Variants in SH3PXD2A observed in about 807,000 individuals in gnomAD.
The protein encoded by SH3PXD2A is SH3 and PX domain-containing protein 2A.
In SH3PXD2A, 32 loss-of-function variants were observed where a neutral mutation model predicts 115.2. That is an observed-to-expected ratio of 0.28 (90% CI 0.21 to 0.37). The LOEUF is 0.37. Among genes scored for constraint, SH3PXD2A ranks in the 10% least tolerant of loss-of-function variants. The pLI is 1.00. For synonymous variants in SH3PXD2A, 610 were observed against 629.1 expected, an observed-to-expected ratio of 0.97 and a Z score of 0.45; for missense variants, 1,328 against 1,498.7, an observed-to-expected ratio of 0.89 and a Z score of 1.88.
At chr10:103,706,179 G>A (rs2037978481) in intron 5 of SH3PXD2A, among the ~76,000 whole-genome samples, 1 of 152,200 alleles carries the variant, frequency 6.6e-6, no homozygotes, top group African/African-American at 2.4e-5. Flanking sequence ...ACATGCTCAA[G>A]AGATGCACTG....
At chr10:103,789,761 C>G (rs572411097) in intron 2 of SH3PXD2A, among the ~76,000 whole-genome samples, 75 of 143,662 alleles carry the variant, frequency 5.2e-4, no homozygotes, top group Non-Finnish European at 9.6e-4. Flanking sequence ...GTGGCAGAGG[C>G]TGCAACTGCA....
intron 8 of SH3PXD2A, among the ~76,000 whole-genome samples, chr10:103,637,643 G>A (rs1274640207): frequency 6.6e-6 from 1 of 152,184 alleles, no homozygotes; most frequent in African/African-American, 2.4e-5. Context: ...TTGACCCTTT[G>A]GAAGGGTGAT....
At chr10:103,739,627 G>C (rs1032383630) in intron 3 of SH3PXD2A, among the ~76,000 whole-genome samples, 5 of 152,204 alleles carry the variant, frequency 3.3e-5, no homozygotes, top group Non-Finnish European at 4.4e-5. Flanking sequence ...GGCATTAAAG[G>C]CCTCTTGTAA....
chr10:103,727,254 T>C (rs1487159004), intron 4 of SH3PXD2A, among the ~76,000 whole-genome samples: 2 of 152,098 alleles, frequency 1.3e-5, no homozygotes, highest in Non-Finnish European at 2.9e-5. Context: ...GAAGGTCAGA[T>C]GGGTGGAGCA....
intron 1 of SH3PXD2A, among the ~76,000 whole-genome samples, chr10:103,840,123 G>A (rs1298699610): frequency 6.6e-6 from 1 of 152,270 alleles, no homozygotes; most frequent in Non-Finnish European, 1.5e-5. Context: ...TGGGGCCAGG[G>A]AAGAGAGGAA....
At chr10:103,668,750 C>T (rs1446919367) in intron 6 of SH3PXD2A, 98 bp from the exon 7 acceptor site, 7 of 1,092,206 alleles carry the variant, frequency 6.4e-6, no homozygotes, top group Non-Finnish European at 9.6e-6. Context: ...GCTGCAGGCG[C>T]CGCGCTCGGC....
intron 1 of SH3PXD2A, among the ~76,000 whole-genome samples, chr10:103,847,389 C>G (rs1842857052): frequency 6.6e-6 from 1 of 152,054 alleles, no homozygotes; most frequent in African/African-American, 2.4e-5. Context: ...TCACGGTTTA[C>G]TGCAGGCTCA....
intron 8 of SH3PXD2A, among the ~76,000 whole-genome samples, chr10:103,638,050 G>A (rs552398974): frequency 9.0e-4 from 137 of 152,286 alleles, no homozygotes; most frequent in Non-Finnish European, 1.4e-3. Context: ...CAAGACACGC[G>A]CCTCCATGGT....
chr10:103,607,902 T>A (rs2036350282), intron 13 of SH3PXD2A, among the ~76,000 whole-genome samples: 2 of 152,012 alleles, frequency 1.3e-5, no homozygotes, highest in African/African-American at 4.8e-5. Context: ...CAGGGTTAAA[T>A]GGATTGAGGT....
At chr10:103,670,773 C>A (rs775530905) in intron 6 of SH3PXD2A, among the ~76,000 whole-genome samples, 1 of 152,260 alleles carries the variant, frequency 6.6e-6, no homozygotes, top group Non-Finnish European at 1.5e-5. Flanking sequence ...GCTGGCCCAG[C>A]TTTCAAGCCC....
intron 5 of SH3PXD2A, among the ~76,000 whole-genome samples, chr10:103,702,596 C>CGCGTGTGTGTGTGTGT (rs1554913264): frequency 1.4e-5 from 2 of 147,448 alleles, no homozygotes; most frequent in East Asian, 2.0e-4. Flanking sequence ...TGTGTGTGTG[C>CGCGTGTGTGTGTGTGT]GTGTGTGTGT....
rs2037371999 is a variant in SH3PXD2A at position 103,665,462 on chromosome 10, A to G, written c.472+3146T>C. On this transcript the variant is annotated intron_variant, in intron 7 of 14. Transcript: ENST00000369774. The surrounding 1 kb of genome is among the most constrained non-coding windows in gnomAD (Gnocchi z 4.0). The stretch of plus-strand genomic sequence containing the variant: ...AAAGTTAAGGAAATATTCTCTAGGC[A>G]TTGGAAAGCACAGACAGGCTATGGC... Among the ~76,000 whole-genome samples the G allele has an allele frequency of 6.6e-6, 1 of 152,146 alleles. No homozygotes were observed. The highest frequency in any genetic ancestry group is 2.1e-4 in the South Asian group (1 of 4,826).
intron 1 of SH3PXD2A, among the ~76,000 whole-genome samples, chr10:103,840,231 T>C (rs758399396): frequency 3.9e-5 from 6 of 152,198 alleles, no homozygotes; most frequent in Non-Finnish European, 8.8e-5. Flanking sequence ...TGGCCACCTG[T>C]TGGGTTTCAC....
rs2038761223 is a variant in SH3PXD2A at position 103,766,963 on chromosome 10, G to A, written c.229+131C>T. The A allele has an allele frequency of 6.1e-6, 4 of 661,120 alleles. No individual in the cohort carries two copies. In the East Asian group the frequency reaches 8.4e-5, roughly 14 times the overall value. 41.0% of individuals were successfully genotyped at this position (661,120 alleles called of 1,614,324 possible). A position where few individuals can be genotyped will look rare whatever the true frequency, so the allele number is the denominator to read the frequency against. On this transcript the variant is annotated intron_variant, in intron 3 of 14. Coordinates refer to ENST00000369774, the MANE Select transcript of SH3PXD2A (RefSeq NM_001394015.1). ...TCTGGAGCTTCCAAATCCCCTGGGG[G>A]AATTGTTCATATGCAGATTCCTGGG... is the stretch of plus-strand genomic sequence containing the variant.
At chr10:103,659,348 G>A (rs73333359) in intron 8 of SH3PXD2A, among the ~76,000 whole-genome samples, 2,368 of 152,262 alleles carry the variant, frequency 0.016, 61 homozygotes, top group African/African-American at 0.054. Context: ...AGAACCATTG[G>A]TTTGCTCAGA....
chr10:103,760,788 C>T (rs1016775789), intron 3 of SH3PXD2A, among the ~76,000 whole-genome samples: 4 of 151,946 alleles, frequency 2.6e-5, no homozygotes, highest in African/African-American at 4.8e-5. Flanking sequence ...AAACTCTTAT[C>T]CTCAAGTGAT....
At chr10:103,693,268 C>T (rs2037783394) in intron 5 of SH3PXD2A, 2 of 144,024 alleles carry the variant, frequency 1.4e-5, no homozygotes, top group Admixed American at 1.4e-4. Flanking sequence ...GCCAGCCCGG[C>T]CCCCAGGCGC....
intron 8 of SH3PXD2A, among the ~76,000 whole-genome samples, chr10:103,644,877 C>G (rs1385791973): frequency 3.3e-5 from 5 of 152,234 alleles, no homozygotes; most frequent in Non-Finnish European, 5.9e-5. Context: ...ATGCTGGCCA[C>G]AGAGTGGCTA....
At chr10:103,632,479 G>A (rs954645872) in intron 8 of SH3PXD2A, among the ~76,000 whole-genome samples, 2 of 152,194 alleles carry the variant, frequency 1.3e-5, no homozygotes, top group South Asian at 2.1e-4. Flanking sequence ...TGGGGTCAGC[G>A]CAGGGAATCT....
Sources: gnomAD v4.1 joint callset for allele counts (sites outside exome capture counted in the v4.1 genomes callset) on GRCh38, gnomAD v4.1.1 for gene constraint, Gnocchi (gnomAD v3.1) non-coding constraint, MANE v1.5 for transcripts, NCBI Gene and HGNC (gene_info 2026-07-23, HGNC 2026-07-21) for gene names.